Variants in APBB2 observed in about 807,000 individuals in gnomAD.
The protein encoded by APBB2 is Fe65-like 1.
A neutral mutation model predicts 82.5 loss-of-function variants in APBB2; 38 were observed. That is an observed-to-expected ratio of 0.46 (90% CI 0.36 to 0.60). The LOEUF is 0.60. APBB2 is among the 20% of genes least tolerant of loss of function. The pLI, the probability that APBB2 is intolerant of heterozygous loss-of-function variation, is 0.00. For synonymous variants in APBB2, 341 were observed against 368.2 expected, an observed-to-expected ratio of 0.93 and a Z score of 0.85; for missense variants, 772 against 972.3, an observed-to-expected ratio of 0.79 and a Z score of 2.74.
chr4:41,135,707 A>G (rs1440768068), intron 2 of APBB2, among the ~76,000 whole-genome samples: 1 of 152,224 alleles, frequency 6.6e-6, no homozygotes, highest in Non-Finnish European at 1.5e-5. Flanking sequence ...AGATTATTCA[A>G]CATAAAAAAA....
intron 6 of APBB2, among the ~76,000 whole-genome samples, chr4:40,960,689 C>T (rs189538827): frequency 8.5e-5 from 13 of 152,048 alleles, no homozygotes; most frequent in Admixed American, 2.0e-4. Context: ...CCTTGTGATC[C>T]GCACACCTTG....
intron 15 of APBB2, among the ~76,000 whole-genome samples, chr4:40,824,376 G>A (rs1346304148): frequency 6.6e-6 from 1 of 152,162 alleles, no homozygotes; most frequent in Non-Finnish European, 1.5e-5. Context: ...AGTTTTTCTG[G>A]GGGATAGGGG....
intron 12 of APBB2, among the ~76,000 whole-genome samples, chr4:40,855,636 T>C (rs1760945844): frequency 6.6e-6 from 1 of 151,902 alleles, no homozygotes; most frequent in African/African-American, 2.4e-5. Context: ...CTCAGGAGGC[T>C]GAGGCAGGAG....
At chr4:41,164,211 G>A (rs1391775076) in intron 1 of APBB2, among the ~76,000 whole-genome samples, 3 of 152,108 alleles carry the variant, frequency 2.0e-5, no homozygotes, top group Non-Finnish European at 4.4e-5. Flanking sequence ...TTTGACTTTG[G>A]TTTGACCACA....
At chr4:40,930,420 AGTGT>A (rs566261600) in intron 10 of APBB2, among the ~76,000 whole-genome samples, 2,735 of 145,844 alleles carry the variant, frequency 0.019, 60 homozygotes, top group African/African-American at 0.055. Context: ...TCTTTGGGGA[AGTGT>A]GTGTGTGTGT....
intron 6 of APBB2, among the ~76,000 whole-genome samples, chr4:41,012,433 T>C (rs1808640608): frequency 6.6e-6 from 1 of 152,198 alleles, no homozygotes; most frequent in Admixed American, 6.5e-5. Context: ...AACATAATTA[T>C]GATTCCAATA....
intron 1 of APBB2, among the ~76,000 whole-genome samples, chr4:41,173,342 A>G (rs1334539002): frequency 2.0e-5 from 3 of 152,224 alleles, no homozygotes; most frequent in Non-Finnish European, 4.4e-5. Context: ...AACAGCAGCT[A>G]AATTCTCCTG....
chr4:41,138,508 C>CA (rs5857779), intron 2 of APBB2, among the ~76,000 whole-genome samples: 151,995 of 152,282 alleles, frequency 1, 75,854 homozygotes, highest in Middle Eastern at 1. Context: ...AGACTATATA[C>CA]AAAAGAAACA....
chr4:40,984,502 G>A (rs868120135), intron 6 of APBB2, among the ~76,000 whole-genome samples: 66 of 152,084 alleles, frequency 4.3e-4, no homozygotes, highest in Middle Eastern at 3.4e-3. Flanking sequence ...GGGGGGTCAG[G>A]GAGGTCAGGG....
intron 6 of APBB2, among the ~76,000 whole-genome samples, chr4:40,976,307 G>A (rs1797156600): frequency 6.6e-6 from 1 of 152,080 alleles, no homozygotes; most frequent in South Asian, 2.1e-4. Context: ...GCAGCGAGTG[G>A]CAAGTTTAAA....
At chr4:40,830,122 C>G (rs1457091517) in intron 13 of APBB2, among the ~76,000 whole-genome samples, 1 of 152,106 alleles carries the variant, frequency 6.6e-6, no homozygotes, top group Admixed American at 6.6e-5. Flanking sequence ...GACTATGGTT[C>G]TATTCATTTT....
intron 4 of APBB2, among the ~76,000 whole-genome samples, chr4:41,043,433 C>T (rs927754749): frequency 2.0e-5 from 3 of 152,122 alleles, no homozygotes; most frequent in African/African-American, 7.2e-5. Context: ...CTACACAATG[C>T]TTTCAATTTT....
intron 6 of APBB2, among the ~76,000 whole-genome samples, chr4:40,957,003 T>C (rs1791809198): frequency 1.3e-5 from 2 of 152,338 alleles, no homozygotes; most frequent in Admixed American, 1.3e-4. Context: ...TGGAATTGAA[T>C]CTAGCCCCGA....
chr4:40,852,395 A>C (rs1316689779), intron 12 of APBB2, among the ~76,000 whole-genome samples: 5 of 152,004 alleles, frequency 3.3e-5, no homozygotes, highest in African/African-American at 1.2e-4. Context: ...GATTCTTATA[A>C]ACTGGGAACA....
At chr4:40,986,175 T>A (rs912693413) in intron 6 of APBB2, among the ~76,000 whole-genome samples, 3 of 152,186 alleles carry the variant, frequency 2.0e-5, no homozygotes, top group African/African-American at 7.2e-5. Flanking sequence ...ATGATTCCCC[T>A]GCCAGTCTAA....
intron 1 of APBB2, among the ~76,000 whole-genome samples, chr4:41,209,979 C>T (rs1778926534): frequency 6.6e-6 from 1 of 152,054 alleles, no homozygotes; most frequent in African/African-American, 2.4e-5. Context: ...GAAACTGTTC[C>T]AACTCAGATC....
At chr4:41,109,266 T>C (rs370628773) in intron 2 of APBB2, among the ~76,000 whole-genome samples, 15 of 150,522 alleles carry the variant, frequency 1.0e-4, no homozygotes, top group African/African-American at 3.2e-4. Flanking sequence ...CCTATCTCTC[T>C]ACACTAAAAA....
intron 2 of APBB2, among the ~76,000 whole-genome samples, chr4:41,129,207 G>C (rs1251021508): frequency 6.6e-6 from 1 of 152,154 alleles, no homozygotes; most frequent in East Asian, 1.9e-4. Flanking sequence ...ACCTAGCACT[G>C]TTCTTGACAC....
At chr4:41,025,769 A>C (rs996413916) in intron 5 of APBB2, among the ~76,000 whole-genome samples, 19 of 147,854 alleles carry the variant, frequency 1.3e-4, no homozygotes, top group African/African-American at 4.7e-4. Context: ...AAATACAAAA[A>C]CTAGCTGGGT....
Sources: gnomAD v4.1 joint callset for allele counts (sites outside exome capture counted in the v4.1 genomes callset) on GRCh38, gnomAD v4.1.1 for gene constraint, MANE v1.5 for transcripts, NCBI Gene and HGNC (gene_info 2026-07-23, HGNC 2026-07-21) for gene names.